PLEKHG2: variants seen among roughly 807,000 people sequenced by gnomAD.
PLEKHG2 encodes the protein pleckstrin homology domain-containing family G member 2.
PLEKHG2 carries 71 observed loss-of-function variants against 104.4 expected under a neutral mutation model. The ratio of observed to expected loss-of-function variants is 0.68; its 90% CI spans 0.56 to 0.83. PLEKHG2 has a LOEUF of 0.83. Among genes scored for constraint, PLEKHG2 ranks in the 40% least tolerant of loss-of-function variants. PLEKHG2 has a pLI of 0.00. For synonymous variants in PLEKHG2, 728 were observed against 737.0 expected (o/e 0.99, Z 0.20); for missense variants, 1,730 against 1,809.4 (o/e 0.96, Z 0.80).
At position 39,416,452 on chromosome 19, in the gene PLEKHG2, G is replaced by A; in HGVS notation, c.546+38G>A. 6 of 1,612,590 alleles carry A rather than the reference G, an allele frequency of 3.7e-6. No homozygotes were observed. Among genetic ancestry groups the A allele is most frequent in the South Asian group, 1.1e-5 (1 of 91,018 alleles). Reference sequence around the variant, plus strand: ...GTGGGGGGCTCTCGGTCCTGGATGGGGCCTTTGTAGAGGGGGGAGAGCAGG... The same window carrying A: ...GTGGGGGGCTCTCGGTCCTGGATGGAGCCTTTGTAGAGGGGGGAGAGCAGG... On this transcript the variant is annotated intron_variant, in intron 5 of 18. Coordinates refer to ENST00000425673, the MANE Select transcript of PLEKHG2 (RefSeq NM_022835.3). The surrounding 1 kb of genome is among the most constrained non-coding windows in gnomAD (Gnocchi z 4.5).
At position 39,425,281 on chromosome 19, in the gene PLEKHG2, C is replaced by T. The variant is rs1019075450; in HGVS notation, c.4148C>T (p.Pro1383Leu). 1 of 1,610,922 alleles carries T rather than the reference C, an allele frequency of 6.2e-7. No individual in the cohort carries two copies. The highest frequency in any genetic ancestry group is 8.5e-7 in the Non-Finnish European group (1 of 1,179,228). ...LHRAQGAPDAPFHM is the reference protein window; with the variant it reads ...LHRAQGAPDALFHM ...AGGGCCCAGGGGGCTCCTGATGCCC[C>T]CTTCCACATGTGAGCCAGGACATGA... is the stretch of plus-strand genomic sequence containing the variant. Residue 1383 changes from proline to leucine, a missense_variant, in exon 19 of 19, where the codon CCC becomes CTC. Physicochemically the swap from Pro to Leu is moderately conservative, Grantham distance 98. Transcript: ENST00000425673.
At chr19:39,421,929 A>AGGC in intron 16 of PLEKHG2, 186 bp from the exon 17 acceptor site, 1 of 477,624 alleles carries the variant, frequency 2.1e-6, no homozygotes, top group Non-Finnish European at 3.5e-6. Context: ...AGGCAGCAGA[A>AGGC]TCGCTTGAAC....
intron 2 of PLEKHG2, among the ~76,000 whole-genome samples, chr19:39,414,407 A>T (rs1037551290): frequency 3.9e-5 from 6 of 152,146 alleles, no homozygotes; most frequent in African/African-American, 1.4e-4. Context: ...CTGAGCTCGG[A>T]AGGTCAGGGG....
At position 39,426,534 on chromosome 19, in the gene PLEKHG2, AG is replaced by A. The variant is rs1317847844; in HGVS notation, c.*1241del. ...TCAAATACTTAGCCTCTTGTGCTTT[AG>A]CACATTATTTATGTAAGCTCCCCTA... On this transcript the variant is annotated 3_prime_UTR_variant, in exon 19 of 19. Coordinates refer to ENST00000425673, the MANE Select transcript of PLEKHG2 (RefSeq NM_022835.3). 6.6e-6 allele frequency: 1 copy of A among 152,266 alleles called. No homozygotes were observed. The highest frequency in any genetic ancestry group is 1.9e-4 in the East Asian group (1 of 5,202). The allele number at this position is 152,266 out of a possible 1,614,324, so 9.4% of individuals were successfully genotyped here. A position where few individuals can be genotyped will look rare whatever the true frequency, so the allele number is the denominator to read the frequency against.
chr19:39,421,191 G>A, intron 15 of PLEKHG2, 78 bp downstream of exon 15: 1 of 1,612,370 alleles, frequency 6.2e-7, no homozygotes, highest in Non-Finnish European at 8.5e-7. Context: ...TTGGGGAGGG[G>A]TGGTTGCTTC....
chr19:39,415,465 G>C lies in PLEKHG2; in HGVS notation c.479+26G>C. ...GTCAGGGGCAGGGGGGACAGGCAGGGGGCATTGATTGGTTGGAGGGTCTAT... is the reference window on the plus strand; with the variant it reads ...GTCAGGGGCAGGGGGGACAGGCAGGCGGCATTGATTGGTTGGAGGGTCTAT... On this transcript the variant is annotated intron_variant, in intron 4 of 18. Transcript: ENST00000425673. This position sits in a 1 kb window ranked among gnomAD's most constrained non-coding sequence, Gnocchi z 4.6. 1 of 1,612,006 alleles carries C rather than the reference G, an allele frequency of 6.2e-7. No homozygotes were observed. Among genetic ancestry groups the C allele is most frequent in the Non-Finnish European group, 8.5e-7 (1 of 1,178,804 alleles).
rs1360545524 is a variant in PLEKHG2, at chr19:39,417,983, C to CGA, written c.963_964dup (p.Gly322GlufsTer45). ...GGAACTGGTGTTGGAGGGCGCGTTC[C>CGA]GAGGAGGCGGAGGGGGTGGCCCCCG... is the stretch of plus-strand genomic sequence containing the variant. On this transcript the variant is annotated frameshift_variant, in exon 9 of 19. Transcript: ENST00000425673. LOFTEE classifies it high-confidence loss of function. 2.6e-6 allele frequency: 4 copies of CGA among 1,549,776 alleles called. No homozygotes were observed. The highest frequency in any genetic ancestry group is 3.5e-6 in the Non-Finnish European group (4 of 1,149,190).
chr19:39,421,156 C>T (rs374574360), intron 15 of PLEKHG2, 43 bp downstream of exon 15: 27 of 1,613,292 alleles, frequency 1.7e-5, no homozygotes, highest in African/African-American at 2.7e-5. Context: ...CCCTGTCTGT[C>T]GCCCGGTGGG....
Position 39,420,668 on chromosome 19 carries a change from G to C in PLEKHG2, c.1297+9G>C. On this transcript the variant is annotated intron_variant, in intron 12 of 18. Coordinates refer to ENST00000425673, the MANE Select transcript of PLEKHG2 (RefSeq NM_022835.3). ...TGAAAACAGCCTGCATTGTGAGTTGGGGCCTTGGGCTGGGAGGGTGTGGAA... is the reference window on the plus strand; with the variant it reads ...TGAAAACAGCCTGCATTGTGAGTTGCGGCCTTGGGCTGGGAGGGTGTGGAA... 1 of 1,614,106 alleles carries C rather than the reference G, an allele frequency of 6.2e-7. No individual in the cohort carries two copies. The highest frequency in any genetic ancestry group is 1.1e-5 in the South Asian group (1 of 91,082).
Position 39,427,367 on chromosome 19 carries a change from T to A in PLEKHG2, c.*2073T>A, listed in dbSNP as rs1404746045. The A allele has an allele frequency of 5.6e-5, 8 of 142,974 alleles. No homozygotes were observed. Among genetic ancestry groups the A allele is most frequent in the African/African-American group, 2.1e-4 (8 of 37,700 alleles). The allele number at this position is 142,974 out of a possible 1,614,324, so 8.9% of individuals were successfully genotyped here. ...TTTTTTTTTTTAGACGGAGTTTCGC[T>A]CTTGTTGCCCAGGCTGGAGTTCAAT... On this transcript the variant is annotated 3_prime_UTR_variant, in exon 19 of 19. Transcript: ENST00000425673.
intron 2 of PLEKHG2, among the ~76,000 whole-genome samples, chr19:39,414,528 G>T (rs1221684577): frequency 6.6e-6 from 1 of 152,194 alleles, no homozygotes; most frequent in South Asian, 2.1e-4. Context: ...ATGTGCAAAG[G>T]CCCAGCGGTG....
In PLEKHG2 at chr19:39,425,264, G is replaced by T; in HGVS notation, c.4131G>T (p.Gln1377His). 2 of 1,612,652 alleles carry T rather than the reference G, an allele frequency of 1.2e-6. No individual in the cohort carries two copies. Among genetic ancestry groups the T allele is most frequent in the Non-Finnish European group, 1.7e-6 (2 of 1,179,660 alleles). ...AATCTATGGGCCTTCACAGGGCCCA[G>T]GGGGCTCCTGATGCCCCCTTCCACA... is the stretch of plus-strand genomic sequence containing the variant. ...TQESMGLHRA[Q>H]GAPDAPFHM The change falls in exon 19 of 19, where the codon CAG becomes CAT. Residue 1377 changes from glutamine to histidine, a missense_variant. Physicochemically the swap from Gln to His is conservative, Grantham distance 24. Transcript: ENST00000425673.
chr19:39,416,245 A>G lies in PLEKHG2; in HGVS notation c.480-103A>G, dbSNP rs2078600367. ...CCTTAGGAGATGCTGGCAGTCAGCAAGCCCCCAGCCCCAGCAGACCATTGG... is the reference window on the plus strand; with the variant it reads ...CCTTAGGAGATGCTGGCAGTCAGCAGGCCCCCAGCCCCAGCAGACCATTGG... On this transcript the variant is annotated intron_variant, in intron 4 of 18. Transcript: ENST00000425673. This position sits in a 1 kb window ranked among gnomAD's most constrained non-coding sequence, Gnocchi z 4.5. The G allele has an allele frequency of 8.7e-7, 1 of 1,154,740 alleles. No individual in the cohort carries two copies. Among genetic ancestry groups the G allele is most frequent in the African/African-American group, 1.5e-5 (1 of 65,548 alleles). The allele number at this position is 1,154,740 out of a possible 1,614,324, so 71.5% of individuals were successfully genotyped here.
intron 11 of PLEKHG2, among the ~76,000 whole-genome samples, chr19:39,420,113 A>G (rs1303679084): frequency 6.6e-6 from 1 of 152,106 alleles, no homozygotes; most frequent in African/African-American, 2.4e-5. Flanking sequence ...TAATCCCAGC[A>G]CTTCGGGAGG....
chr19:39,418,381 C>A (rs1481929897), intron 9 of PLEKHG2, among the ~76,000 whole-genome samples: 1 of 152,018 alleles, frequency 6.6e-6, no homozygotes, highest in Non-Finnish European at 1.5e-5. Context: ...GAGTTCGAGA[C>A]CAGCCTAGCC....
At position 39,418,094 on chromosome 19, in the gene PLEKHG2, G is replaced by A. The variant is rs934058603; in HGVS notation, c.1072G>A (p.Gly358Ser). The A allele has an allele frequency of 6.6e-7, 1 of 1,508,396 alleles. No homozygotes were observed. Among genetic ancestry groups the A allele is most frequent in the Non-Finnish European group, 8.8e-7 (1 of 1,130,186 alleles). The allele number at this position is 1,508,396 out of a possible 1,614,324, so 93.4% of individuals were successfully genotyped here. The change falls in exon 9 of 19, where the codon GGC (glycine) becomes AGC (serine). Residue 358 changes from glycine to serine, a missense_variant. Physicochemically the swap from Gly to Ser is moderately conservative, Grantham distance 56. Coordinates refer to ENST00000425673, the MANE Select transcript of PLEKHG2 (RefSeq NM_022835.3). ...CAGGGGGCTGGAGTACACCTACAAA[G>A]GCCACATCTTCGTGAGTTTGGGGAT... ...KRRGLEYTYKGHIFCCNLSVS... is the reference protein window; with the variant it reads ...KRRGLEYTYKSHIFCCNLSVS...
chr19:39,425,518 G>T lies in PLEKHG2; in HGVS notation c.*224G>T. 1 of 688,430 alleles carries T rather than the reference G, an allele frequency of 1.5e-6. No homozygotes were observed. The highest frequency in any genetic ancestry group is 2.2e-6 in the Non-Finnish European group (1 of 459,690). The allele number at this position is 688,430 out of a possible 1,614,324, so 42.6% of individuals were successfully genotyped here. ...GTTAATACTGATTCTTTCATGCAATGATGTGTATTTTCCCATTCTGGAGGC... is the reference window on the plus strand; with the variant it reads ...GTTAATACTGATTCTTTCATGCAATTATGTGTATTTTCCCATTCTGGAGGC... On this transcript the variant is annotated 3_prime_UTR_variant, in exon 19 of 19. Transcript: ENST00000425673.
In PLEKHG2 at chr19:39,425,305, G is replaced by A. The variant is rs774687398; in HGVS notation, c.*11G>A. 2 of 1,595,950 alleles carry A rather than the reference G, an allele frequency of 1.3e-6. No individual in the cohort carries two copies. Among genetic ancestry groups the A allele is most frequent in the Middle Eastern group, 1.7e-4 (1 of 5,972 alleles). On this transcript the variant is annotated 3_prime_UTR_variant, in exon 19 of 19. Transcript: ENST00000425673. ...CCCTTCCACATGTGAGCCAGGACATGAGGCTTCCCTGAAGCAAGGATTTCA... is the reference window on the plus strand; with the variant it reads ...CCCTTCCACATGTGAGCCAGGACATAAGGCTTCCCTGAAGCAAGGATTTCA...
In PLEKHG2 at chr19:39,416,701, C is replaced by A; in HGVS notation, c.593+104C>A. On this transcript the variant is annotated intron_variant, in intron 6 of 18. Coordinates refer to ENST00000425673, the MANE Select transcript of PLEKHG2 (RefSeq NM_022835.3). The surrounding 1 kb of genome is among the most constrained non-coding windows in gnomAD (Gnocchi z 4.5). ...CCCCCGACCCATCCAGCACCGACCC[C>A]TGCCAGGCTGTGACAGTAACTGACC... 2 of 1,507,326 alleles carry A rather than the reference C, an allele frequency of 1.3e-6. No homozygotes were observed. The highest frequency in any genetic ancestry group is 1.8e-6 in the Non-Finnish European group (2 of 1,094,768). The allele number at this position is 1,507,326 out of a possible 1,614,324, so 93.4% of individuals were successfully genotyped here. A position where few individuals can be genotyped will look rare whatever the true frequency, so the allele number is the denominator to read the frequency against.
Sources: gnomAD v4.1 joint callset for allele counts (sites outside exome capture counted in the v4.1 genomes callset) on GRCh38, gnomAD v4.1.1 for gene constraint, Gnocchi (gnomAD v3.1) non-coding constraint, MANE v1.5 for transcripts, NCBI Gene and HGNC (gene_info 2026-07-23, HGNC 2026-07-21) for gene names.